NUFIP2: variants seen among roughly 807,000 people sequenced by gnomAD.
The protein encoded by NUFIP2 is FMR1-interacting protein NUFIP2.
NUFIP2 carries 6 observed loss-of-function variants against 56.9 expected under a neutral mutation model. The observed-to-expected ratio is 0.11, with a 90% CI of 0.06 to 0.21. The LOEUF (loss-of-function observed/expected upper bound fraction) is 0.21. Ranked by LOEUF, NUFIP2 falls within the 10% of genes least tolerant of loss-of-function variation. The pLI, the probability that NUFIP2 is intolerant of heterozygous loss-of-function variation, is 1.00. For missense variants in NUFIP2, 828 were observed against 826.8 expected (o/e 1.00, Z -0.02); for synonymous variants, 321 against 298.2 (o/e 1.08, Z -0.79).
chr17:29,274,737 T>C (rs749112273), intron 2 of NUFIP2, among the ~76,000 whole-genome samples: 21 of 152,154 alleles, frequency 1.4e-4, no homozygotes, highest in Non-Finnish European at 2.5e-4. Flanking sequence ...AAGGTTATTG[T>C]ACTAAATAGT....
Position 29,286,208 on chromosome 17 carries a change from T to A in NUFIP2, c.1786A>T (p.Ser596Cys). The change falls in exon 2 of 4, where the codon AGT becomes TGT. Residue 596 changes from serine to cysteine, a missense_variant. Physicochemically the swap from Ser to Cys is moderately radical, Grantham distance 112. Around this residue, in one of 3 missense-constraint regions of NUFIP2, gnomAD observed 404 missense variants for 380.3 expected, o/e 1.06. Coordinates refer to ENST00000225388, the MANE Select transcript of NUFIP2 (RefSeq NM_020772.3). ...GCTTTCTGCAGGTCACCTATATGAC[T>A]GGGTTCCAAGGATAAGGCTCCACTC... ...SESGALSLEP[S>C]HIGDLQKADT... 1.2e-6 allele frequency: 2 copies of A among 1,614,094 alleles called. No homozygotes were observed. The highest frequency in any genetic ancestry group is 1.1e-5 in the South Asian group (1 of 91,084).
chr17:29,287,333 G>C lies in NUFIP2; in HGVS notation c.661C>G (p.Pro221Ala). The C allele has an allele frequency of 6.2e-7, 1 of 1,613,852 alleles. No homozygotes were observed. The highest frequency in any genetic ancestry group is 8.5e-7 in the Non-Finnish European group (1 of 1,179,986). ...TTGCGCCTAGCTTTCCTTTTTTTAG[G>C]AGTTGTATATCCGCTCTCAGATCCA... Reference protein sequence around the residue: ...GSGSESGYTTPKKRKARRNSA... With the variant: ...GSGSESGYTTAKKRKARRNSA... The change falls in exon 2 of 4, where the codon CCT (proline) becomes GCT (alanine). Residue 221 changes from proline (P) to alanine (A), a missense_variant. Pro to Ala is a conservative substitution (Grantham distance 27). Transcript: ENST00000225388.
intron 2 of NUFIP2, among the ~76,000 whole-genome samples, chr17:29,273,005 AGGC>A: frequency 6.7e-6 from 1 of 148,600 alleles, no homozygotes; most frequent in Non-Finnish European, 1.5e-5. Flanking sequence ...ACACGCCACC[AGGC>A]CCAGCTAATA....
chr17:29,265,463 C>T (rs992242557), intron 3 of NUFIP2, among the ~76,000 whole-genome samples: 3 of 146,880 alleles, frequency 2.0e-5, no homozygotes, highest in Non-Finnish European at 3.0e-5. Flanking sequence ...CTACCACGCC[C>T]GGCTAATTTT....
chr17:29,282,035 T>C (rs2153012106), intron 2 of NUFIP2, among the ~76,000 whole-genome samples: 1 of 151,840 alleles, frequency 6.6e-6, no homozygotes, highest in Non-Finnish European at 1.5e-5. Flanking sequence ...GTGCTGGGAT[T>C]ACAGGCGTGA....
intron 2 of NUFIP2, among the ~76,000 whole-genome samples, chr17:29,267,798 G>A (rs965002397): frequency 6.6e-6 from 1 of 152,104 alleles, no homozygotes; most frequent in Non-Finnish European, 1.5e-5. Flanking sequence ...AACTATAGCC[G>A]CATGCCATCA....
rs2069011217 is a variant in NUFIP2, at chr17:29,262,766, T to G, written c.*1773A>C. ...ATATATATTATGTATAAAAAAAAGT[T>G]TTGTTTACATCAAGTGGAATTGGCA... On this transcript the variant is annotated 3_prime_UTR_variant, in exon 4 of 4. Transcript: ENST00000225388. The G allele has an allele frequency of 6.6e-6, 1 of 150,704 alleles. No homozygotes were observed. Among genetic ancestry groups the G allele is most frequent in the African/African-American group, 2.4e-5 (1 of 41,214 alleles). The allele number at this position is 150,704 out of a possible 1,614,324, so 9.3% of individuals were successfully genotyped here. A position where few individuals can be genotyped will look rare whatever the true frequency, so the allele number is the denominator to read the frequency against.
rs993995666 is a variant in NUFIP2, at chr17:29,261,634, T to G, written c.*2905A>C. 3 of 152,552 alleles carry G rather than the reference T, an allele frequency of 2.0e-5. No individual in the cohort carries two copies. The highest frequency in any genetic ancestry group is 4.8e-5 in the African/African-American group (2 of 41,426). The allele number at this position is 152,552 out of a possible 1,614,324, so 9.4% of individuals were successfully genotyped here. A position where few individuals can be genotyped will look rare whatever the true frequency, so the allele number is the denominator to read the frequency against. ...AATAATCAGAAAACAGATCAACTCT[T>G]AAGATTTTTTTTTAATAAGTGCTCT... On this transcript the variant is annotated 3_prime_UTR_variant, in exon 4 of 4. Coordinates refer to ENST00000225388, the MANE Select transcript of NUFIP2 (RefSeq NM_020772.3).
chr17:29,269,225 G>A (rs756019459), intron 2 of NUFIP2, among the ~76,000 whole-genome samples: 1 of 152,102 alleles, frequency 6.6e-6, no homozygotes, highest in Non-Finnish European at 1.5e-5. Context: ...AGGACAAAAA[G>A]ATTATTTTAA....
intron 2 of NUFIP2, among the ~76,000 whole-genome samples, chr17:29,271,007 A>G (rs1223991265): frequency 6.6e-6 from 1 of 152,194 alleles, no homozygotes; most frequent in South Asian, 2.1e-4. Context: ...CATATTTTAG[A>G]ATAAAGAAGG....
At chr17:29,281,436 G>A (rs1461708683) in intron 2 of NUFIP2, among the ~76,000 whole-genome samples, 1 of 152,002 alleles carries the variant, frequency 6.6e-6, no homozygotes, top group Non-Finnish European at 1.5e-5. Flanking sequence ...AGGCTACAGT[G>A]AGCTATGACC....
intron 1 of NUFIP2, 80 bp from the exon 2 acceptor site, chr17:29,287,796 T>G: frequency 2.3e-6 from 3 of 1,302,150 alleles, no homozygotes; most frequent in Non-Finnish European, 3.1e-6. Flanking sequence ...TAAGAACTAT[T>G]TACTGTATGC....
rs2068972141 is a variant in NUFIP2 at position 29,256,540 on chromosome 17, CT to C, written c.*7998del. ...TACTTGATGAAGAAGTAACCCTCTTCTGTATATTGAAAAAGCTATAAAATGG... is the reference window on the plus strand; with the variant it reads ...TACTTGATGAAGAAGTAACCCTCTTCGTATATTGAAAAAGCTATAAAATGG... On this transcript the variant is annotated 3_prime_UTR_variant, in exon 4 of 4. Coordinates refer to ENST00000225388, the MANE Select transcript of NUFIP2 (RefSeq NM_020772.3). 1 of 151,974 alleles carries C rather than the reference CT, an allele frequency of 6.6e-6. No individual in the cohort carries two copies. The highest frequency in any genetic ancestry group is 2.4e-5 in the African/African-American group (1 of 41,366). The allele number at this position is 151,974 out of a possible 1,614,324, so 9.4% of individuals were successfully genotyped here. A position where few individuals can be genotyped will look rare whatever the true frequency, so the allele number is the denominator to read the frequency against.
At chr17:29,291,318 G>C (rs2069211926) in intron 1 of NUFIP2, among the ~76,000 whole-genome samples, 2 of 152,068 alleles carry the variant, frequency 1.3e-5, no homozygotes, top group African/African-American at 4.8e-5. Flanking sequence ...CAACACATTT[G>C]GCCTTCTCTT....
chr17:29,272,527 G>GAA (rs1161772858), intron 2 of NUFIP2, among the ~76,000 whole-genome samples: 1 of 151,888 alleles, frequency 6.6e-6, no homozygotes, highest in Non-Finnish European at 1.5e-5. Flanking sequence ...GGCGTGAGCC[G>GAA]CTGCACCTGG....
intron 2 of NUFIP2, among the ~76,000 whole-genome samples, chr17:29,269,470 C>T (rs2069058626): frequency 6.6e-6 from 1 of 152,086 alleles, no homozygotes. Context: ...TCTCTCCCTA[C>T]TCCCCTAGCA....
Position 29,256,535 on chromosome 17 carries a change from C to T in NUFIP2, c.*8004G>A, listed in dbSNP as rs1309542727. On this transcript the variant is annotated 3_prime_UTR_variant, in exon 4 of 4. Transcript: ENST00000225388. The stretch of plus-strand genomic sequence containing the variant: ...CAATATACTTGATGAAGAAGTAACC[C>T]TCTTCTGTATATTGAAAAAGCTATA... 6.6e-6 allele frequency: 1 copy of T among 152,046 alleles called. No homozygotes were observed. The highest frequency in any genetic ancestry group is 6.6e-5 in the Admixed American group (1 of 15,266). The allele number at this position is 152,046 out of a possible 1,614,324, so 9.4% of individuals were successfully genotyped here.
rs1380799290 is a variant in NUFIP2, at chr17:29,256,325, G to C, written c.*8214C>G. On this transcript the variant is annotated 3_prime_UTR_variant, in exon 4 of 4. Transcript: ENST00000225388. Reference sequence around the variant, plus strand: ...TAAGACTGAACATAAGTGAACTACTGACAGATGCGGAAGAGGAACCATAGC... The same window carrying C: ...TAAGACTGAACATAAGTGAACTACTCACAGATGCGGAAGAGGAACCATAGC... 6.6e-6 allele frequency: 1 copy of C among 152,200 alleles called. No homozygotes were observed. The highest frequency in any genetic ancestry group is 1.5e-5 in the Non-Finnish European group (1 of 68,034). 9.4% of individuals were successfully genotyped at this position (152,200 alleles called of 1,614,324 possible).
chr17:29,272,534 C>T (rs1024764295), intron 2 of NUFIP2, among the ~76,000 whole-genome samples: 2 of 152,126 alleles, frequency 1.3e-5, no homozygotes, highest in South Asian at 4.1e-4. Context: ...GCCGCTGCAC[C>T]TGGCCCCTCG....
Sources: gnomAD v4.1 joint callset for allele counts (sites outside exome capture counted in the v4.1 genomes callset) on GRCh38, gnomAD v4.1.1 for gene constraint, gnomAD v4.1.1 regional missense constraint, MANE v1.5 for transcripts, NCBI Gene and HGNC (gene_info 2026-07-23, HGNC 2026-07-21) for gene names.